The following PLIN2 variants were observed in gnomAD, a reference collection of about 807,000 sequenced individuals.
The protein encoded by PLIN2 is perilipin 2.
PLIN2 carries 33 observed loss-of-function variants against 30.6 expected under a neutral mutation model. That is an observed-to-expected ratio of 1.08 (90% CI 0.82 to 1.44). The LOEUF is 1.44. PLIN2 is among the 40% of genes most tolerant of loss of function. The pLI, the probability that PLIN2 is intolerant of heterozygous loss-of-function variation, is 0.00. For missense variants in PLIN2, 610 were observed against 531.8 expected (o/e 1.15, Z -1.45); for synonymous variants, 205 against 201.1 (o/e 1.02, Z -0.16).
chr9:19,118,293 C>G (rs768281594), intron 7 of PLIN2, 28 bp downstream of exon 7: 5 of 1,570,316 alleles, frequency 3.2e-6, no homozygotes, highest in Middle Eastern at 3.4e-4. Context: ...CTTCAGCAAC[C>G]AACAAATGAC....
chr9:19,121,713 C>T (rs1818320232), intron 4 of PLIN2, among the ~76,000 whole-genome samples: 1 of 152,076 alleles, frequency 6.6e-6, no homozygotes, highest in Non-Finnish European at 1.5e-5. Flanking sequence ...GGTTGGATCA[C>T]CTGAGGTTAG....
downstream of PLIN2, among the ~76,000 whole-genome samples, chr9:19,112,553 C>A (rs754140935): frequency 4.0e-5 from 6 of 151,748 alleles, no homozygotes; most frequent in Admixed American, 1.3e-4. Context: ...TACAAAAATA[C>A]AAAAATTAGC....
chr9:19,122,859 CTG>C (rs1358579944), intron 4 of PLIN2, among the ~76,000 whole-genome samples: 1 of 152,152 alleles, frequency 6.6e-6, no homozygotes, highest in Non-Finnish European at 1.5e-5. Context: ...CATGGAAAAA[CTG>C]TCTTCCATGG....
chr9:19,116,368 G>C lies in PLIN2; in HGVS notation c.1194C>G (p.Leu398=), dbSNP rs1489277312. The stretch of plus-strand genomic sequence containing the variant: ...GATAAAAGGGACCTACCAGCCAGTT[G>C]AGGGGCGTGTTGTTAACAAGATAAT... ...VMDYLVNNTP[L]NWLVGPFYPQ... The change falls in exon 8 of 8, where the codon CTC becomes CTG. Residue 398 remains leucine (L), a synonymous_variant. Coordinates refer to ENST00000276914, the MANE Select transcript of PLIN2 (RefSeq NM_001122.4). The C allele has an allele frequency of 2.5e-6, 4 of 1,614,076 alleles. No homozygotes were observed. The highest frequency in any genetic ancestry group is 3.4e-6 in the Non-Finnish European group (4 of 1,180,050).
chr9:19,119,361 A>C (rs910227319), intron 6 of PLIN2, among the ~76,000 whole-genome samples: 1 of 152,226 alleles, frequency 6.6e-6, no homozygotes, highest in Non-Finnish European at 1.5e-5. Flanking sequence ...CAAGAGCTGC[A>C]CAAGTGTGGT....
rs1818394382 is a variant in PLIN2 at position 19,126,174 on chromosome 9, T to G, written c.166A>C (p.Thr56Pro). ...VCEMAENGVK[T>P]ITSVAMTSAL... ...CTGGTCATGGCCACGGAGGTGATGG[T>G]CTTCACACCGTTCTCTGCCATCTCA... The change falls in exon 3 of 8, where the codon ACC (threonine) becomes CCC (proline). Residue 56 changes from threonine to proline, a missense_variant. Transcript: ENST00000276914. The G allele has an allele frequency of 6.2e-7, 1 of 1,614,066 alleles. No individual in the cohort carries two copies. Among genetic ancestry groups the G allele is most frequent in the South Asian group, 1.1e-5 (1 of 91,082 alleles).
chr9:19,124,017 C>CA (rs60330286), intron 3 of PLIN2, among the ~76,000 whole-genome samples: 6,381 of 121,870 alleles, frequency 0.052, 282 homozygotes, highest in Non-Finnish European at 0.06. Flanking sequence ...GACTCCATCT[C>CA]AAAAAAAAAA....
downstream of PLIN2, among the ~76,000 whole-genome samples, chr9:19,115,401 G>A (rs942207698): frequency 6.6e-6 from 1 of 150,564 alleles, no homozygotes; most frequent in Non-Finnish European, 1.5e-5. Context: ...TCTGCCTCCC[G>A]GGTTCACGCC....
downstream of PLIN2, among the ~76,000 whole-genome samples, chr9:19,113,315 C>A (rs1308623347): frequency 6.6e-6 from 1 of 151,162 alleles, no homozygotes; most frequent in Non-Finnish European, 1.5e-5. Flanking sequence ...GCCTGGACAA[C>A]AGAGCAAGAC....
At chr9:19,119,161 C>A (rs2131179330) in intron 6 of PLIN2, among the ~76,000 whole-genome samples, 1 of 152,292 alleles carries the variant, frequency 6.6e-6, no homozygotes, top group African/African-American at 2.4e-5. Context: ...AACTTGGAAA[C>A]CTTTAATGGC....
chr9:19,119,811 C>A lies in PLIN2; in HGVS notation c.616G>T (p.Glu206Ter). Residue 206 changes from glutamate (E) to a stop codon, truncating the protein, a stop_gained, in exon 6 of 8, where the codon GAA becomes TAA. Coordinates refer to ENST00000276914, the MANE Select transcript of PLIN2 (RefSeq NM_001122.4). LOFTEE classifies it high-confidence loss of function. ...EELEKEAKKV[E>*]GFDLVQKPSY... ...GGCTTCTGAACCAGATCAAATCCTT[C>A]AACTTTTTTTGCTTCTTTTTCTGAA... 1 of 1,558,226 alleles carries A rather than the reference C, an allele frequency of 6.4e-7. No homozygotes were observed. The highest frequency in any genetic ancestry group is 8.7e-7 in the Non-Finnish European group (1 of 1,150,608).
Position 19,126,267 on chromosome 9 carries a change from T to C in PLIN2, c.73A>G (p.Thr25Ala). The change falls in exon 3 of 8, where the codon ACG (threonine) becomes GCG (alanine). Residue 25 changes from threonine (T) to alanine (A), a missense_variant. By Grantham distance (58) the Thr-to-Ala change is moderately conservative. Coordinates refer to ENST00000276914, the MANE Select transcript of PLIN2 (RefSeq NM_001122.4). ...TAGGCTGAGGACATGAGGTCATACG[T>C]GGAGCTCACCAAGGGCAGGTTGACC... ...RVVNLPLVSS[T>A]YDLMSSAYLS... is the part of the protein sequence containing the mutation. 1 of 1,614,146 alleles carries C rather than the reference T, an allele frequency of 6.2e-7. No homozygotes were observed. Among genetic ancestry groups the C allele is most frequent in the Non-Finnish European group, 8.5e-7 (1 of 1,179,996 alleles).
At chr9:19,117,065 A>G (rs764889542) in intron 7 of PLIN2, among the ~76,000 whole-genome samples, 30 of 152,168 alleles carry the variant, frequency 2.0e-4, no homozygotes, top group African/African-American at 7.0e-4. Flanking sequence ...TTGGGACACA[A>G]AGAACCACTT....
chr9:19,127,167 G>A lies in PLIN2; in HGVS notation c.-23+252C>T, dbSNP rs1302233150. On this transcript the variant is annotated intron_variant, in intron 1 of 7. Transcript: ENST00000276914. This position sits in a 1 kb window ranked among gnomAD's most constrained non-coding sequence, Gnocchi z 4.3. ...AGCAATCGCCCTAAATCTGTTGGCA[G>A]GAAAGAAGCCTCAACGCACAAAGGC... 6.6e-6 allele frequency among the ~76,000 whole-genome samples: 1 copy of A among 152,240 alleles called. No individual in the cohort carries two copies. Among genetic ancestry groups the A allele is most frequent in the Non-Finnish European group, 1.5e-5 (1 of 68,048 alleles).
chr9:19,109,718 A>G (rs1818135046), intron 2 of PLIN2, among the ~76,000 whole-genome samples: 1 of 152,042 alleles, frequency 6.6e-6, no homozygotes, highest in African/African-American at 2.4e-5. Flanking sequence ...CTGTAATCCC[A>G]ACACTTTGGC....
intron 2 of PLIN2, among the ~76,000 whole-genome samples, chr9:19,109,050 A>G (rs773997949): frequency 4.6e-5 from 7 of 152,196 alleles, no homozygotes; most frequent in Non-Finnish European, 1.0e-4. Flanking sequence ...CTTAAAAACA[A>G]TAATACCCCA....
In PLIN2 at chr9:19,126,171, T is replaced by C. The variant is rs1818394234; in HGVS notation, c.169A>G (p.Ile57Val). ...CEMAENGVKT[I>V]TSVAMTSALP... ...GCACTGGTCATGGCCACGGAGGTGA[T>C]GGTCTTCACACCGTTCTCTGCCATC... Residue 57 changes from isoleucine (I) to valine (V), a missense_variant, in exon 3 of 8, where the codon ATC becomes GTC. By Grantham distance (29) the Ile-to-Val change is conservative. Coordinates refer to ENST00000276914, the MANE Select transcript of PLIN2 (RefSeq NM_001122.4). The C allele has an allele frequency of 6.2e-7, 1 of 1,614,130 alleles. No homozygotes were observed.
chr9:19,116,241 G>C lies in PLIN2; in HGVS notation c.*7C>G. 6.4e-7 allele frequency: 1 copy of C among 1,566,880 alleles called. No individual in the cohort carries two copies. The highest frequency in any genetic ancestry group is 8.7e-7 in the Non-Finnish European group (1 of 1,155,098). ...GGCCACAGCATGCACTAGTGATAGG[G>C]GCAGGTTTAATGAGTTTTATGCTCA... On this transcript the variant is annotated 3_prime_UTR_variant, in exon 8 of 8. Coordinates refer to ENST00000276914, the MANE Select transcript of PLIN2 (RefSeq NM_001122.4).
intron 3 of PLIN2, 135 bp downstream of exon 3, chr9:19,125,979 G>C: frequency 1.6e-6 from 1 of 644,126 alleles, no homozygotes; most frequent in Non-Finnish European, 2.7e-6. Flanking sequence ...GGTAATGAGG[G>C]TCACCTGAAA....
Sources: allele counts gnomAD v4.1 joint callset (sites outside exome capture counted in the v4.1 genomes callset), GRCh38; gene constraint gnomAD v4.1.1; non-coding constraint Gnocchi (gnomAD v3.1); transcripts MANE v1.5; gene names NCBI Gene and HGNC (gene_info 2026-07-23, HGNC 2026-07-21).